The following RFFL variants were observed in gnomAD, a reference collection of about 807,000 sequenced individuals.
The protein encoded by RFFL is E3 ubiquitin-protein ligase rififylin.
In RFFL, 16 loss-of-function variants were observed where a neutral mutation model predicts 40.4. The ratio of observed to expected loss-of-function variants is 0.40; its 90% CI spans 0.27 to 0.60. RFFL has a LOEUF of 0.60. RFFL is among the 20% of genes least tolerant of loss of function. RFFL has a pLI of 0.47. For missense variants in RFFL, 367 were observed against 451.7 expected, an observed-to-expected ratio of 0.81 and a Z score of 1.70; for synonymous variants, 154 against 167.9, an observed-to-expected ratio of 0.92 and a Z score of 0.64.
At chr17:35,025,356 A>G (rs1451920050) in intron 2 of RFFL, 1 of 152,194 alleles carries the variant, frequency 6.6e-6, no homozygotes, top group Non-Finnish European at 1.5e-5. Context: ...GTCAAGGGAA[A>G]AGAATGAGTA....
rs1472362281 is a variant in RFFL, at chr17:35,063,684, A to G, written c.-117T>C. The G allele has an allele frequency of 6.6e-6, 1 of 152,212 alleles. No individual in the cohort carries two copies. Among genetic ancestry groups the G allele is most frequent in the Non-Finnish European group, 1.5e-5 (1 of 68,056 alleles). The allele number at this position is 152,212 out of a possible 1,614,324, so 9.4% of individuals were successfully genotyped here. A position where few individuals can be genotyped will look rare whatever the true frequency, so the allele number is the denominator to read the frequency against. Reference sequence around the variant, plus strand: ...TCAGATGAGATCATCTCAGGAACCAAGAGCAGCGGCTTTCATGTGAAGTGA... The same window carrying G: ...TCAGATGAGATCATCTCAGGAACCAGGAGCAGCGGCTTTCATGTGAAGTGA... On this transcript the variant is annotated 5_prime_UTR_variant, in exon 1 of 7. Transcript: ENST00000394597.
chr17:35,075,607 T>C (rs1410287880), intron 1 of RFFL, among the ~76,000 whole-genome samples: 1 of 152,184 alleles, frequency 6.6e-6, no homozygotes, highest in African/African-American at 2.4e-5. Context: ...CATTATTGTT[T>C]AACTACCAAA....
chr17:35,038,931 G>A (rs572528360), intron 1 of RFFL, among the ~76,000 whole-genome samples: 2 of 152,242 alleles, frequency 1.3e-5, no homozygotes, highest in South Asian at 4.2e-4. Flanking sequence ...TTTTGAGATA[G>A]GGTGTCTCAC....
Position 35,011,852 on chromosome 17 carries a change from G to T in RFFL, c.*116C>A. On this transcript the variant is annotated 3_prime_UTR_variant, in exon 7 of 7. Transcript: ENST00000394597. ...GTGACATGGCATCTTGCTTGACCTG[G>T]TTTTGGGAACCCTGCAATATTTCTA... 2.0e-6 allele frequency: 2 copies of T among 1,015,530 alleles called. No homozygotes were observed. The highest frequency in any genetic ancestry group is 3.0e-6 in the Non-Finnish European group (2 of 674,028). 62.9% of individuals were successfully genotyped at this position (1,015,530 alleles called of 1,614,324 possible). A position where few individuals can be genotyped will look rare whatever the true frequency, so the allele number is the denominator to read the frequency against.
intron 1 of RFFL, among the ~76,000 whole-genome samples, chr17:35,032,886 A>G (rs2091094953): frequency 6.6e-6 from 1 of 152,116 alleles, no homozygotes; most frequent in Non-Finnish European, 1.5e-5. Context: ...GTCTCAGAGA[A>G]CACAATACAA....
At chr17:35,026,863 G>A (rs963505239) in intron 1 of RFFL, among the ~76,000 whole-genome samples, 11 of 151,918 alleles carry the variant, frequency 7.2e-5, no homozygotes, top group Admixed American at 5.2e-4. Context: ...CCGCCATCAC[G>A]CCCGGCTTTT....
chr17:35,021,629 G>T lies in RFFL; in HGVS notation c.333C>A (p.Asp111Glu). The change falls in exon 3 of 7, where the codon GAC (aspartate) becomes GAA (glutamate). Residue 111 changes from aspartate (D) to glutamate (E), a missense_variant. Physicochemically the swap from Asp to Glu is conservative, Grantham distance 45 (BLOSUM62 2). Transcript: ENST00000394597. ...TAGAGATGTCATGGAGGCTGAGATA[G>T]TCCCTCAAGTCCTTCACCTTCATCT... ...LMKMKVKDLR[D>E]YLSLHDISTE... 6.2e-7 allele frequency: 1 copy of T among 1,614,230 alleles called. No individual in the cohort carries two copies. Among genetic ancestry groups the T allele is most frequent in the South Asian group, 1.1e-5 (1 of 91,084 alleles).
upstream of RFFL, among the ~76,000 whole-genome samples, chr17:35,067,955 C>T (rs78204380): frequency 6.6e-6 from 1 of 152,180 alleles, no homozygotes; most frequent in South Asian, 2.1e-4. Flanking sequence ...ACTGTATTCA[C>T]TTTGTTGGTT....
chr17:35,059,938 G>T lies in RFFL; in HGVS notation c.-9+3638C>A, dbSNP rs531336787. On this transcript the variant is annotated intron_variant, in intron 1 of 6. Transcript: ENST00000394597. ...GAACACCATATGCCAATATCTAACA[G>T]AGATTATTTCCTAGCTCTAATGGTT... Among the ~76,000 whole-genome samples the T allele has an allele frequency of 1.1e-3, 165 of 152,234 alleles. 1 individual carries two copies. The highest frequency in any genetic ancestry group is 3.9e-3 in the African/African-American group (162 of 41,540).
chr17:35,082,623 G>C (rs1218417113), intron 1 of RFFL, among the ~76,000 whole-genome samples: 1 of 152,202 alleles, frequency 6.6e-6, no homozygotes, highest in African/African-American at 2.4e-5. Context: ...TTCCTGGAAA[G>C]AGATATAGAG....
chr17:35,016,318 G>A (rs2090972741), intron 5 of RFFL, 52 bp downstream of exon 5: 2 of 1,524,356 alleles, frequency 1.3e-6, no homozygotes, highest in Admixed American at 1.7e-5. Context: ...GCTTTGGAGT[G>A]ACAGCAAACA....
At chr17:35,055,493 T>C (rs1010012129) in intron 1 of RFFL, among the ~76,000 whole-genome samples, 1 of 151,490 alleles carries the variant, frequency 6.6e-6, no homozygotes, top group African/African-American at 2.4e-5. Context: ...GCCAAAACGG[T>C]GAAAACCCAT....
At chr17:35,043,344 TA>T (rs1438068194) in intron 1 of RFFL, among the ~76,000 whole-genome samples, 1 of 152,158 alleles carries the variant, frequency 6.6e-6, no homozygotes, top group Non-Finnish European at 1.5e-5. Flanking sequence ...GTGCTCAGTA[TA>T]AAGGGGGATC....
At chr17:35,072,493 G>A (rs2091355671) in intron 1 of RFFL, among the ~76,000 whole-genome samples, 1 of 152,052 alleles carries the variant, frequency 6.6e-6, no homozygotes, top group Non-Finnish European at 1.5e-5. Flanking sequence ...TAATAAAGGA[G>A]TAGCACAAGG....
chr17:35,016,322 G>T, intron 5 of RFFL, 48 bp downstream of exon 5: 1 of 1,549,548 alleles, frequency 6.5e-7, no homozygotes, highest in Non-Finnish European at 8.9e-7. Flanking sequence ...TGGAGTGACA[G>T]CAAACACTCC....
At chr17:35,085,474 G>C (rs1012661526) in intron 1 of RFFL, among the ~76,000 whole-genome samples, 1 of 152,186 alleles carries the variant, frequency 6.6e-6, no homozygotes, top group African/African-American at 2.4e-5. Context: ...TTGTTGCCCA[G>C]GCTGTAGCGC....
chr17:35,016,020 T>C (rs1567700177), intron 5 of RFFL, among the ~76,000 whole-genome samples: 2 of 152,150 alleles, frequency 1.3e-5, no homozygotes, highest in East Asian at 3.8e-4. Context: ...TATTCTAAGG[T>C]AAGAAAACTT....
intron 1 of RFFL, among the ~76,000 whole-genome samples, chr17:35,034,909 G>A (rs1030671629): frequency 6.6e-6 from 1 of 152,142 alleles, no homozygotes; most frequent in Non-Finnish European, 1.5e-5. Flanking sequence ...TTTGTCCCGA[G>A]GGGATTTGGA....
At chr17:35,070,772 T>C (rs2091344570) in intron 1 of RFFL, among the ~76,000 whole-genome samples, 1 of 152,278 alleles carries the variant, frequency 6.6e-6, no homozygotes, top group East Asian at 1.9e-4. Flanking sequence ...TGTGACACTG[T>C]ATGGAGGCAG....
Sources: allele counts gnomAD v4.1 joint callset (sites outside exome capture counted in the v4.1 genomes callset), GRCh38; gene constraint gnomAD v4.1.1; transcripts MANE v1.5; gene names NCBI Gene and HGNC (gene_info 2026-07-23, HGNC 2026-07-21).